SRPK2: variants seen among roughly 807,000 people sequenced by gnomAD.
SRPK2 encodes SRSF protein kinase 2.
In SRPK2, 21 loss-of-function variants were observed where a neutral mutation model predicts 90.8. The ratio of observed to expected loss-of-function variants is 0.23; its 90% CI spans 0.16 to 0.33. The LOEUF (loss-of-function observed/expected upper bound fraction) is 0.33. Among genes scored for constraint, SRPK2 ranks in the 10% least tolerant of loss-of-function variants. The pLI is 1.00. For synonymous variants in SRPK2, 288 were observed against 311.1 expected, an observed-to-expected ratio of 0.93 and a Z score of 0.78; for missense variants, 620 against 869.0, an observed-to-expected ratio of 0.71 and a Z score of 3.60.
intron 2 of SRPK2, among the ~76,000 whole-genome samples, chr7:105,361,456 C>T (rs924203372): frequency 6.6e-6 from 1 of 152,116 alleles, no homozygotes; most frequent in Non-Finnish European, 1.5e-5. Flanking sequence ...ACTTTCTTCA[C>T]AGAATTGGAA....
At position 105,383,052 on chromosome 7, in the gene SRPK2, A is replaced by ATTTTTTTTTTTTTTT. The variant is rs1563315577; in HGVS notation, c.71+5595_71+5596insAAAAAAAAAAAAAAA. 2.4e-4 allele frequency among the ~76,000 whole-genome samples: 25 copies of ATTTTTTTTTTTTTTT among 105,322 alleles called. 6 individuals are homozygous for ATTTTTTTTTTTTTTT. Among genetic ancestry groups the ATTTTTTTTTTTTTTT allele is most frequent in the African/African-American group, 6.4e-4 (17 of 26,556 alleles). 69.1% of individuals were successfully genotyped at this position (105,322 alleles called of 152,430 possible). A position where few individuals can be genotyped will look rare whatever the true frequency, so the allele number is the denominator to read the frequency against. On this transcript the variant is annotated intron_variant, in intron 2 of 15. Transcript: ENST00000393651. ...AGTCTGAAATTATTTCAAAAGTAAA[A>ATTTTTTTTTTTTTTT]ATTTTTTTTTTTTTTTTTTTTTTTT...
chr7:105,291,849 T>C (rs1428510768), intron 2 of SRPK2, among the ~76,000 whole-genome samples: 4 of 152,240 alleles, frequency 2.6e-5, no homozygotes, highest in Admixed American at 6.5e-5. Context: ...CTACTTGTGG[T>C]AGCATTCCAT....
At chr7:105,144,731 G>C (rs887918885) in intron 9 of SRPK2, among the ~76,000 whole-genome samples, 2 of 152,006 alleles carry the variant, frequency 1.3e-5, no homozygotes, top group African/African-American at 4.8e-5. Context: ...CACTAAACTT[G>C]GCCACCATAG....
intron 2 of SRPK2, among the ~76,000 whole-genome samples, chr7:105,344,710 A>G (rs553492785): frequency 1.3e-5 from 2 of 151,846 alleles, no homozygotes; most frequent in African/African-American, 4.8e-5. Context: ...TGACTATACA[A>G]CCCTTCCACT....
chr7:105,300,095 T>G (rs1810341598), intron 2 of SRPK2, among the ~76,000 whole-genome samples: 1 of 151,654 alleles, frequency 6.6e-6, no homozygotes, highest in African/African-American at 2.4e-5. Context: ...TGGCCGGGCA[T>G]CACCATGTAC....
intron 2 of SRPK2, among the ~76,000 whole-genome samples, chr7:105,311,998 C>T (rs745679186): frequency 1.2e-4 from 18 of 152,066 alleles, no homozygotes; most frequent in Non-Finnish European, 2.6e-4. Context: ...TACATATATA[C>T]AATGTAATAT....
intron 2 of SRPK2, among the ~76,000 whole-genome samples, chr7:105,324,337 T>C (rs1334306760): frequency 6.9e-6 from 1 of 144,320 alleles, no homozygotes; most frequent in Non-Finnish European, 1.5e-5. Context: ...CTTTCTTTTT[T>C]TTTGAGATGG....
chr7:105,337,514 CATGTTGGCCAGGCTGG>C (rs1815247489), intron 2 of SRPK2, among the ~76,000 whole-genome samples: 2 of 151,206 alleles, frequency 1.3e-5, no homozygotes, highest in African/African-American at 4.9e-5. Context: ...AGGGTTTCAC[CATGTTGGCCAGGCTGG>C]TCTCAAACTC....
chr7:105,197,689 T>A (rs1241564488), intron 3 of SRPK2, among the ~76,000 whole-genome samples: 1 of 152,096 alleles, frequency 6.6e-6, no homozygotes, highest in African/African-American at 2.4e-5. Flanking sequence ...AAATGTACAA[T>A]TCCACACTAT....
At chr7:105,289,475 T>C (rs1188999827) in intron 2 of SRPK2, among the ~76,000 whole-genome samples, 2 of 152,138 alleles carry the variant, frequency 1.3e-5, no homozygotes, top group East Asian at 1.9e-4. Context: ...GTTTATATGA[T>C]ACCATAGACT....
chr7:105,257,475 G>C (rs1803491448), intron 2 of SRPK2, among the ~76,000 whole-genome samples: 1 of 152,218 alleles, frequency 6.6e-6, no homozygotes, highest in East Asian at 1.9e-4. Flanking sequence ...ACCTGGTATT[G>C]AATTACACTG....
chr7:105,172,495 C>T (rs1389682963), intron 3 of SRPK2, among the ~76,000 whole-genome samples: 1 of 152,124 alleles, frequency 6.6e-6, no homozygotes, highest in African/African-American at 2.4e-5. Context: ...GCTGCATATT[C>T]CTGACATACG....
intron 11 of SRPK2, among the ~76,000 whole-genome samples, chr7:105,133,993 T>C (rs959269415): frequency 6.6e-6 from 1 of 152,050 alleles, no homozygotes; most frequent in African/African-American, 2.4e-5. Context: ...CCCAGAAAAA[T>C]AGTCCTTAAA....
chr7:105,354,855 C>G (rs536259738), intron 2 of SRPK2, among the ~76,000 whole-genome samples: 23 of 152,260 alleles, frequency 1.5e-4, no homozygotes, highest in African/African-American at 5.5e-4. Flanking sequence ...ATTTTTATCA[C>G]CCCAAAAAGA....
chr7:105,386,380 C>CATGA (rs1821606927), intron 2 of SRPK2, among the ~76,000 whole-genome samples: 3 of 150,186 alleles, frequency 2.0e-5, no homozygotes, highest in African/African-American at 7.3e-5. Context: ...CTATTGAAGA[C>CATGA]ATGAATAAAT....
intron 3 of SRPK2, among the ~76,000 whole-genome samples, chr7:105,183,129 A>G (rs1488921033): frequency 6.6e-6 from 1 of 152,222 alleles, no homozygotes; most frequent in Non-Finnish European, 1.5e-5. Flanking sequence ...AAAGAAAATT[A>G]TTTAAATACA....
downstream of SRPK2, among the ~76,000 whole-genome samples, chr7:105,114,948 C>T (rs1238440429): frequency 6.6e-6 from 1 of 152,188 alleles, no homozygotes; most frequent in Non-Finnish European, 1.5e-5. Flanking sequence ...AATGGTTTTA[C>T]ATCATCTATC....
chr7:105,301,509 A>T, intron 2 of SRPK2: 1 of 1,362,444 alleles, frequency 7.3e-7, no homozygotes, highest in Non-Finnish European at 1.0e-6. Flanking sequence ...GGCGCCCCGC[A>T]ACCGGTGTGA....
chr7:105,339,111 G>A (rs2040915), intron 2 of SRPK2, among the ~76,000 whole-genome samples: 63,652 of 152,064 alleles, frequency 0.42, 15,287 homozygotes, highest in Non-Finnish European at 0.54. Flanking sequence ...AGATATTCAA[G>A]TACGCGCCTT....
Sources: gnomAD v4.1 joint callset for allele counts (sites outside exome capture counted in the v4.1 genomes callset) on GRCh38, gnomAD v4.1.1 for gene constraint, MANE v1.5 for transcripts, NCBI Gene and HGNC (gene_info 2026-07-23, HGNC 2026-07-21) for gene names.